Variants in MDN1 observed in about 807,000 individuals in gnomAD.
MDN1 encodes midasin AAA ATPase 1, also known as midasin.
A neutral mutation model predicts 669.2 loss-of-function variants in MDN1; 266 were observed. The ratio of observed to expected loss-of-function variants is 0.40; its 90% confidence interval spans 0.36 to 0.44. The LOEUF (loss-of-function observed/expected upper bound fraction) is 0.44. MDN1 is among the 20% of genes least tolerant of loss of function. MDN1 has a pLI of 1.00. For synonymous variants in MDN1, 2,385 were observed against 2,457.1 expected, an observed-to-expected ratio of 0.97 and a Z score of 0.87; for missense variants, 5,940 against 6,754.0, an observed-to-expected ratio of 0.88 and a Z score of 4.22.
chr6:89,798,290 G>C (rs1040090571), intron 2 of MDN1, among the ~76,000 whole-genome samples: 13 of 152,024 alleles, frequency 8.6e-5, no homozygotes, highest in Non-Finnish European at 1.9e-4. Context: ...GAGACAGGTG[G>C]ATCACCTGAG....
chr6:89,685,455 T>C (rs1811943791), intron 70 of MDN1, among the ~76,000 whole-genome samples: 2 of 152,146 alleles, frequency 1.3e-5, no homozygotes, highest in Non-Finnish European at 2.9e-5. Context: ...CAGTTTTAGA[T>C]GCAGTTCCTT....
At chr6:89,733,237 CTTTTTTT>C (rs952569398) in intron 33 of MDN1, among the ~76,000 whole-genome samples, 1 of 148,942 alleles carries the variant, frequency 6.7e-6, no homozygotes, top group Admixed American at 6.7e-5. Flanking sequence ...TTTCTTTTTT[CTTTTTTT>C]TTACATCTAT....
intron 69 of MDN1, among the ~76,000 whole-genome samples, chr6:89,686,424 C>CA (rs66643418): frequency 0.17 from 25,317 of 148,656 alleles, 2,554 homozygotes; most frequent in Middle Eastern, 0.23. Context: ...GACTCTGTCT[C>CA]AAAAAAAAAT....
At chr6:89,722,642 A>G (rs1814913808) in intron 40 of MDN1, among the ~76,000 whole-genome samples, 1 of 152,168 alleles carries the variant, frequency 6.6e-6, no homozygotes, top group Non-Finnish European at 1.5e-5. Context: ...TGAATTCAGG[A>G]GTAGAGATCT....
intron 26 of MDN1, among the ~76,000 whole-genome samples, chr6:89,748,825 C>A (rs1816802489): frequency 6.6e-6 from 1 of 151,876 alleles, no homozygotes; most frequent in South Asian, 2.1e-4. Context: ...TTTGGGAGAT[C>A]AAGGTGGGTG....
At chr6:89,730,211 C>G (rs771861006) in intron 35 of MDN1, among the ~76,000 whole-genome samples, 21 of 152,144 alleles carry the variant, frequency 1.4e-4, no homozygotes, top group Non-Finnish European at 2.6e-4. Flanking sequence ...ACTGCATTTC[C>G]CATTTAATCA....
chr6:89,818,211 C>G (rs182207307), intron 1 of MDN1, among the ~76,000 whole-genome samples: 146 of 144,378 alleles, frequency 1.0e-3, no homozygotes, highest in Non-Finnish European at 1.7e-3. Flanking sequence ...CCCAGTTACT[C>G]GGGAGGTTGA....
At chr6:89,678,537 T>C in intron 75 of MDN1, 62 bp downstream of exon 75, 1 of 1,569,066 alleles carries the variant, frequency 6.4e-7, no homozygotes, top group Non-Finnish European at 8.7e-7. Flanking sequence ...AAATCAGTCA[T>C]GTCATTTCTC....
At chr6:89,751,628 T>C (rs1816962242) in intron 22 of MDN1, 46 bp from the exon 23 acceptor site, 2 of 1,582,510 alleles carry the variant, frequency 1.3e-6, no homozygotes. Flanking sequence ...TTGTACATTC[T>C]TTCAGAGAAG....
chr6:89,685,942 G>C lies in MDN1; in HGVS notation c.11604C>G (p.Val3868=), dbSNP rs1035632575. ...CTTCAATAAATGCTTGTAATGTGCTGACCAGCAACATCAAGGTCATCTGTT... is the reference window on the plus strand; with the variant it reads ...CTTCAATAAATGCTTGTAATGTGCTCACCAGCAACATCAAGGTCATCTGTT... ...DDKQMTLMLL[V]STLQAFIEGS... The change falls in exon 70 of 102, where the codon GTC becomes GTG. Residue 3868 remains valine (V), a synonymous_variant. Coordinates refer to ENST00000369393, the MANE Select transcript of MDN1 (RefSeq NM_014611.3). 7 of 1,613,456 alleles carry C rather than the reference G, an allele frequency of 4.3e-6. No individual in the cohort carries two copies. The Admixed American group carries it at 8.3e-5, about 19-fold the overall frequency.
chr6:89,693,036 G>A lies in MDN1; in HGVS notation c.9994C>T (p.His3332Tyr), dbSNP rs776166650. The stretch of plus-strand genomic sequence containing the variant: ...GCCTTGGCGATGCTGGTGACGTAGT[G>A]GTGGATCTCCTGAACCAGGGACTCG... ...AYESLVQEIH[H>Y]YVTSIAKAPA... is the part of the protein sequence containing the mutation. Residue 3332 changes from histidine (H) to tyrosine (Y), a missense_variant, in exon 63 of 102, where the codon CAC (histidine) becomes TAC (tyrosine). By Grantham distance (83) the His-to-Tyr change is moderately conservative. This residue lies in a region of MDN1 where 150 missense variants were observed against 234.2 expected (regional missense o/e 0.64). Transcript: ENST00000369393. 4 of 1,614,182 alleles carry A rather than the reference G, an allele frequency of 2.5e-6. No individual in the cohort carries two copies. Among genetic ancestry groups the A allele is most frequent in the South Asian group, 1.1e-5 (1 of 91,088 alleles).
chr6:89,670,415 TG>T (rs1407959103), intron 83 of MDN1, among the ~76,000 whole-genome samples: 14 of 151,592 alleles, frequency 9.2e-5, no homozygotes, highest in African/African-American at 3.4e-4. Context: ...TGACCTCAGG[TG>T]ATCCACCCGC....
intron 88 of MDN1, among the ~76,000 whole-genome samples, chr6:89,659,732 A>G (rs1006147714): frequency 1.3e-5 from 2 of 152,260 alleles, no homozygotes; most frequent in African/African-American, 2.4e-5. Context: ...ATCATTGTGA[A>G]TAACTGGTGG....
rs772640386 is a variant in MDN1, at chr6:89,772,526, G to T, written c.2083+47C>A. The T allele has an allele frequency of 2.5e-6, 4 of 1,582,932 alleles. No homozygotes were observed. The Admixed American group carries it at 7.2e-5, about 29-fold the overall frequency. The stretch of plus-strand genomic sequence containing the variant: ...TATTTTTAAAAAAGGAAAAAAAGTA[G>T]TCAGTGTGAAATATCTGGGGGCAGA... On this transcript the variant is annotated intron_variant, in intron 14 of 101. Transcript: ENST00000369393.
chr6:89,778,940 A>AAAG (rs1818499974), intron 11 of MDN1, among the ~76,000 whole-genome samples: 2 of 150,014 alleles, frequency 1.3e-5, no homozygotes, highest in East Asian at 3.9e-4. Flanking sequence ...ATAAAAAAAA[A>AAAG]GGTATAGGGC....
chr6:89,662,435 T>C (rs895696885), intron 86 of MDN1, among the ~76,000 whole-genome samples, 196 bp from the exon 87 acceptor site: 4 of 152,132 alleles, frequency 2.6e-5, no homozygotes, highest in African/African-American at 9.7e-5. Context: ...GTGTGAATGG[T>C]GGGGTGAGTT....
At chr6:89,760,537 T>C (rs1043694425) in intron 17 of MDN1, among the ~76,000 whole-genome samples, 1 of 152,196 alleles carries the variant, frequency 6.6e-6, no homozygotes, top group Admixed American at 6.5e-5. Flanking sequence ...CCCTGTTCAT[T>C]GCACCACTAT....
In MDN1 at chr6:89,680,683, C is replaced by T. The variant is rs773169417; in HGVS notation, c.12171G>A (p.Leu4057=). The change falls in exon 74 of 102, where the codon TTG becomes TTA. Residue 4057 remains leucine, a synonymous_variant. Coordinates refer to ENST00000369393, the MANE Select transcript of MDN1 (RefSeq NM_014611.3). ...SGLEGELLRR[L]PKLRKRMRKM... Reference sequence around the variant, plus strand: ...TCCTCATGCGTTTCCTGAGCTTTGGCAAGCGACGCAGAAGCTCCCCTTCCA... The same window carrying T: ...TCCTCATGCGTTTCCTGAGCTTTGGTAAGCGACGCAGAAGCTCCCCTTCCA... 1.9e-6 allele frequency: 3 copies of T among 1,614,158 alleles called. No individual in the cohort carries two copies. Among genetic ancestry groups the T allele is most frequent in the Admixed American group, 1.7e-5 (1 of 60,022 alleles).
At chr6:89,818,949 C>T (rs1316315684) in intron 1 of MDN1, among the ~76,000 whole-genome samples, 2 of 152,196 alleles carry the variant, frequency 1.3e-5, no homozygotes, top group African/African-American at 2.4e-5. Context: ...AGCTGTCTTG[C>T]TCTGTACTTC....
Sources: allele counts gnomAD v4.1 joint callset (sites outside exome capture counted in the v4.1 genomes callset), GRCh38; gene constraint gnomAD v4.1.1; regional missense constraint gnomAD v4.1.1; transcripts MANE v1.5; gene names NCBI Gene and HGNC (gene_info 2026-07-23, HGNC 2026-07-21).